The following TUSC3 variants were observed in gnomAD, a reference collection of about 807,000 sequenced individuals.
TUSC3 encodes dolichyl-diphosphooligosaccharide--protein glycosyltransferase subunit TUSC3.
In TUSC3, 45 loss-of-function variants were observed where a neutral mutation model predicts 44.8. That is an observed-to-expected ratio of 1.00 (90% CI 0.79 to 1.29). The LOEUF (loss-of-function observed/expected upper bound fraction) is 1.29, where lower values mean the gene tolerates loss of function less well. TUSC3 is among the 50% of genes most tolerant of loss of function. The pLI is 0.00. For missense variants in TUSC3, 519 were observed against 437.9 expected, an observed-to-expected ratio of 1.19 and a Z score of -1.65; for synonymous variants, 212 against 152.9, an observed-to-expected ratio of 1.39 and a Z score of -2.85.
chr8:15,764,128 A>G (rs1812258980), intron 10 of TUSC3, 75 bp from the exon 11 acceptor site: 2 of 1,352,308 alleles, frequency 1.5e-6, no homozygotes, highest in East Asian at 2.3e-5. Flanking sequence ...GTGCTAATTT[A>G]GAATGGAATA....
intron 2 of TUSC3, among the ~76,000 whole-genome samples, chr8:15,523,350 A>G (rs1390777838): frequency 2.0e-5 from 3 of 151,964 alleles, no homozygotes; most frequent in African/African-American, 7.3e-5. Context: ...GCTATAATGG[A>G]GGTATATACC....
intron 1 of TUSC3, among the ~76,000 whole-genome samples, chr8:15,554,278 C>T (rs1409466313): frequency 6.6e-6 from 1 of 151,758 alleles, no homozygotes; most frequent in Non-Finnish European, 1.5e-5. Flanking sequence ...ATTTTGAACT[C>T]AGCATGGCCA....
At chr8:15,671,317 A>G (rs1563164626) in intron 5 of TUSC3, among the ~76,000 whole-genome samples, 1 of 151,996 alleles carries the variant, frequency 6.6e-6, no homozygotes, top group Non-Finnish European at 1.5e-5. Context: ...TTGTATGAAT[A>G]TAGTTAAATA....
At chr8:15,609,772 A>G (rs952677705) in intron 1 of TUSC3, among the ~76,000 whole-genome samples, 1 of 151,826 alleles carries the variant, frequency 6.6e-6, no homozygotes, top group East Asian at 1.9e-4. Context: ...ACATGTTTTC[A>G]CTGTACATTA....
At chr8:15,575,728 C>T (rs1462306767) in intron 1 of TUSC3, among the ~76,000 whole-genome samples, 1 of 152,144 alleles carries the variant, frequency 6.6e-6, no homozygotes, top group Non-Finnish European at 1.5e-5. Context: ...GATTGTTCCA[C>T]TGCACTCCAG....
At chr8:15,499,008 T>G (rs186257717) in intron 2 of TUSC3, among the ~76,000 whole-genome samples, 110 of 152,170 alleles carry the variant, frequency 7.2e-4, no homozygotes, top group African/African-American at 2.6e-3. Context: ...GGTAGTTATT[T>G]TTTTCTTTTT....
At chr8:15,497,176 T>A (rs750363281) in intron 2 of TUSC3, among the ~76,000 whole-genome samples, 2 of 152,192 alleles carry the variant, frequency 1.3e-5, no homozygotes, top group Non-Finnish European at 2.9e-5. Flanking sequence ...TTGGTAAGCA[T>A]CTCTGAGAAG....
At chr8:15,702,259 AGTAAG>A (rs1809439631) in intron 6 of TUSC3, among the ~76,000 whole-genome samples, 2 of 152,180 alleles carry the variant, frequency 1.3e-5, no homozygotes, top group South Asian at 2.1e-4. Flanking sequence ...CTTCTGTTTG[AGTAAG>A]AAACCCTTTT....
At chr8:15,648,290 A>G (rs950303116) in intron 2 of TUSC3, among the ~76,000 whole-genome samples, 2 of 152,046 alleles carry the variant, frequency 1.3e-5, no homozygotes, top group South Asian at 2.1e-4. Flanking sequence ...CCTTTTTTAT[A>G]TGATATTGTT....
At chr8:15,715,933 G>T (rs753954920) in intron 6 of TUSC3, among the ~76,000 whole-genome samples, 1 of 151,960 alleles carries the variant, frequency 6.6e-6, no homozygotes, top group Non-Finnish European at 1.5e-5. Context: ...AATATGCAAC[G>T]TAAAATGAGT....
At chr8:15,474,794 G>C (rs183871732) in intron 1 of TUSC3, among the ~76,000 whole-genome samples, 1 of 152,200 alleles carries the variant, frequency 6.6e-6, no homozygotes, top group East Asian at 1.9e-4. Flanking sequence ...TTAGAAGTTG[G>C]TGTTTATTTC....
At chr8:15,737,951 A>G (rs10503550) in intron 7 of TUSC3, among the ~76,000 whole-genome samples, 2 of 152,206 alleles carry the variant, frequency 1.3e-5, no homozygotes, top group Non-Finnish European at 2.9e-5. Context: ...CAGTTAATAC[A>G]ATGAAATTTA....
intron 6 of TUSC3, among the ~76,000 whole-genome samples, chr8:15,722,249 C>CTT (rs77957851): frequency 1.4e-5 from 2 of 142,148 alleles, no homozygotes; most frequent in African/African-American, 2.6e-5. Context: ...TTGTTTCTTT[C>CTT]TTTTTTTTTT....
chr8:15,713,984 G>A (rs1809963925), intron 6 of TUSC3, among the ~76,000 whole-genome samples: 1 of 152,120 alleles, frequency 6.6e-6, no homozygotes, highest in Non-Finnish European at 1.5e-5. Flanking sequence ...GCTTGTTAAT[G>A]GCTTACTGAT....
intron 1 of TUSC3, among the ~76,000 whole-genome samples, chr8:15,472,798 T>C (rs1800511631): frequency 6.6e-6 from 1 of 152,208 alleles, no homozygotes; most frequent in African/African-American, 2.4e-5. Flanking sequence ...AGAAATATTT[T>C]CAAATATTTT....
At chr8:15,711,437 C>T (rs1330887297) in intron 6 of TUSC3, among the ~76,000 whole-genome samples, 2 of 148,736 alleles carry the variant, frequency 1.3e-5, no homozygotes, top group Non-Finnish European at 3.0e-5. Context: ...AAAGAGGTTA[C>T]CAGGTTTTAG....
At chr8:15,829,360 G>T in the TUSC3 span, among the ~76,000 whole-genome samples, 1 of 152,170 alleles carries the variant, frequency 6.6e-6, no homozygotes, top group Non-Finnish European at 1.5e-5. Flanking sequence ...CTGTCAAATT[G>T]CCTTGCAAAG....
At chr8:15,790,997 G>A in the TUSC3 span, among the ~76,000 whole-genome samples, 6 of 152,050 alleles carry the variant, frequency 3.9e-5, no homozygotes, top group African/African-American at 9.7e-5. Flanking sequence ...TTACACTACC[G>A]TATGGGGCAA....
At chr8:15,519,823 T>C (rs1801270562) in intron 2 of TUSC3, among the ~76,000 whole-genome samples, 1 of 152,228 alleles carries the variant, frequency 6.6e-6, no homozygotes, top group Non-Finnish European at 1.5e-5. Context: ...GCCTGTTCTA[T>C]GTTAAAATAC....
Sources: gnomAD v4.1 joint callset for allele counts (sites outside exome capture counted in the v4.1 genomes callset) on GRCh38, gnomAD v4.1.1 for gene constraint, MANE v1.5 for transcripts, NCBI Gene and HGNC (gene_info 2026-07-23, HGNC 2026-07-21) for gene names.